Variants in TIAM1 observed in about 807,000 individuals in gnomAD.
The protein encoded by TIAM1 is TIAM Rac1 associated GEF 1.
TIAM1 carries 65 observed loss-of-function variants against 163.5 expected under a neutral mutation model. That is an observed-to-expected ratio of 0.40 (90% CI 0.33 to 0.49). The LOEUF (loss-of-function observed/expected upper bound fraction) is 0.49, where lower values mean the gene tolerates loss of function less well. Among genes scored for constraint, TIAM1 ranks in the 20% least tolerant of loss-of-function variants. The probability of loss-of-function intolerance (pLI) is 0.77; values close to 1 mark genes in which losing one functional copy is unlikely to be tolerated. For synonymous variants in TIAM1, 833 were observed against 810.1 expected (o/e 1.03, Z -0.48); for missense variants, 1,789 against 2,044.7 (o/e 0.87, Z 2.41).
intron 2 of TIAM1, among the ~76,000 whole-genome samples, chr21:31,391,190 C>T (rs1431672518): frequency 1.3e-5 from 2 of 152,094 alleles, no homozygotes; most frequent in Admixed American, 6.6e-5. Flanking sequence ...TCCATAAAAC[C>T]TTTCATTGTC....
intron 6 of TIAM1, among the ~76,000 whole-genome samples, chr21:31,232,645 T>A (rs915596448): frequency 5.9e-5 from 9 of 152,166 alleles, no homozygotes; most frequent in African/African-American, 1.9e-4. Context: ...AGGATTTAAA[T>A]TCTGACATGC....
chr21:31,290,112 CA>C (rs1346906247), intron 2 of TIAM1, among the ~76,000 whole-genome samples: 4 of 152,154 alleles, frequency 2.6e-5, no homozygotes, highest in Non-Finnish European at 5.9e-5. Flanking sequence ...ACATTATGCA[CA>C]TTTCAATTTT....
chr21:31,385,587 AG>A (rs2076852078), intron 2 of TIAM1, among the ~76,000 whole-genome samples: 1 of 151,866 alleles, frequency 6.6e-6, no homozygotes, highest in African/African-American at 2.4e-5. Context: ...CTGAAATAGG[AG>A]GGAGGAAAAT....
intron 2 of TIAM1, among the ~76,000 whole-genome samples, chr21:31,454,749 G>A (rs1215424280): frequency 6.6e-6 from 1 of 152,184 alleles, no homozygotes; most frequent in Non-Finnish European, 1.5e-5. Flanking sequence ...TTTAAATGTG[G>A]AAAAAGAGAA....
In TIAM1 at chr21:31,557,859, G is replaced by A. The variant is rs188976799; in HGVS notation, c.-422+1068C>T. On this transcript the variant is annotated intron_variant, in intron 1 of 28. Coordinates refer to the TIAM1 transcript ENST00000286827. ...ACTGGAACCGGGTGAGTGTGGCCGA[G>A]TCGGCGCCCCGAGGGCCGCCAGCCT... 7.6e-4 allele frequency among the ~76,000 whole-genome samples: 116 copies of A among 152,252 alleles called. 1 individual carries two copies. The highest frequency in any genetic ancestry group is 2.6e-3 in the African/African-American group (108 of 41,560).
intron 2 of TIAM1, among the ~76,000 whole-genome samples, chr21:31,414,423 G>C (rs1158413125): frequency 6.6e-6 from 1 of 152,188 alleles, no homozygotes; most frequent in Non-Finnish European, 1.5e-5. Flanking sequence ...AAAGCTCTCA[G>C]AATGAATCAG....
chr21:31,120,851 C>T lies in TIAM1; in HGVS notation c.4307-14G>A. 1 of 1,570,700 alleles carries T rather than the reference C, an allele frequency of 6.4e-7. No individual in the cohort carries two copies. Among genetic ancestry groups the T allele is most frequent in the African/African-American group, 1.4e-5 (1 of 73,122 alleles). ...TTGGGGCAGACACTGCACACACACA[C>T]AAAAATATAAAAATAAAACCCCCAC... On this transcript the variant is annotated splice_polypyrimidine_tract_variant and intron_variant, in intron 27 of 27. Transcript: ENST00000541036. This position sits in a 1 kb window ranked among gnomAD's most constrained non-coding sequence, Gnocchi z 4.2.
intron 1 of TIAM1, among the ~76,000 whole-genome samples, chr21:31,469,980 G>A (rs993365439): frequency 6.7e-6 from 1 of 149,574 alleles, no homozygotes; most frequent in Non-Finnish European, 1.5e-5. Context: ...CGAGTGTTAC[G>A]AGTGTCAGTG....
chr21:31,366,151 C>T (rs187462658), intron 2 of TIAM1, among the ~76,000 whole-genome samples: 216 of 151,568 alleles, frequency 1.4e-3, no homozygotes, highest in African/African-American at 4.8e-3. Context: ...CAGGCATCCC[C>T]TATCTGATGT....
chr21:31,228,265 G>GAAAAA (rs1297409869), intron 6 of TIAM1, among the ~76,000 whole-genome samples: 3 of 44,968 alleles, frequency 6.7e-5, no homozygotes, highest in Admixed American at 2.3e-4. Context: ...AAAAAGGAAG[G>GAAAAA]AAAAAAAGAA....
chr21:31,191,309 C>T (rs1601485571), intron 13 of TIAM1, among the ~76,000 whole-genome samples: 1 of 152,084 alleles, frequency 6.6e-6, no homozygotes, highest in Admixed American at 6.5e-5. Flanking sequence ...GTGTGTGTCA[C>T]CAAGCCCGTC....
intron 2 of TIAM1, among the ~76,000 whole-genome samples, chr21:31,301,572 G>A (rs2074499917): frequency 6.6e-6 from 1 of 152,184 alleles, no homozygotes. Context: ...AGGCACAGTG[G>A]CTCACGCCTG....
At position 31,538,295 on chromosome 21, in the gene TIAM1, T is replaced by TA. The variant is rs576592158; in HGVS notation, c.-422+20631dup. 2.4e-3 allele frequency among the ~76,000 whole-genome samples: 372 copies of TA among 152,222 alleles called. 2 individuals are homozygous for TA. The highest frequency in any genetic ancestry group is 8.0e-3 in the African/African-American group (332 of 41,542). ...CGGTTACTCACGCCTATAATCCCAG[T>TA]ACTTTGGGAGGTTGAGACAGAAGGA... On this transcript the variant is annotated intron_variant, in intron 1 of 28. Transcript: ENST00000286827.
In TIAM1 at chr21:31,266,264, C is replaced by T; in HGVS notation, c.709G>A (p.Ala237Thr). The T allele has an allele frequency of 6.2e-7, 1 of 1,614,204 alleles. No individual in the cohort carries two copies. The highest frequency in any genetic ancestry group is 8.5e-7 in the Non-Finnish European group (1 of 1,180,044). The change falls in exon 4 of 28, where the codon GCT becomes ACT. Residue 237 changes from alanine (A) to threonine (T), a missense_variant. This residue lies in a region of TIAM1 where 555 missense variants were observed against 564.9 expected (regional missense o/e 0.98). Coordinates refer to ENST00000541036, the MANE Select transcript of TIAM1 (RefSeq NM_001353694.2). The part of the protein sequence containing the change: ...QRANSLGDLY[A>T]QKNSGVTANG... ...GCTGTCACTCCAGAGTTTTTCTGAG[C>T]ATACAAGTCACCCAAGGAATTGGCT...
rs1023421691 is a variant in TIAM1 at position 31,325,486 on chromosome 21, G to C, written c.-189+13757C>G. ...AGTTCGAGACCAGCCTGGCCAACAC[G>C]GCAAAACCCTGTCTTTACTAAAAAT... On this transcript the variant is annotated intron_variant, in intron 2 of 27. Coordinates refer to ENST00000541036, the MANE Select transcript of TIAM1 (RefSeq NM_001353694.2). 2.6e-5 allele frequency among the ~76,000 whole-genome samples: 4 copies of C among 151,992 alleles called. No individual in the cohort carries two copies. The South Asian group carries it at 8.3e-4, about 32-fold the overall frequency.
intron 20 of TIAM1, among the ~76,000 whole-genome samples, chr21:31,146,381 G>C (rs1174158355): frequency 7.7e-6 from 1 of 130,230 alleles, no homozygotes; most frequent in South Asian, 2.6e-4. Flanking sequence ...TCCAGCCCAA[G>C]TGACAGAGCA....
At chr21:31,185,615 AT>A (rs1158001363) in intron 14 of TIAM1, among the ~76,000 whole-genome samples, 1 of 144,662 alleles carries the variant, frequency 6.9e-6, no homozygotes. Flanking sequence ...TATATATTAT[AT>A]TAATATATTA....
intron 2 of TIAM1, among the ~76,000 whole-genome samples, chr21:31,407,560 G>A (rs982228589): frequency 1.3e-5 from 2 of 151,968 alleles, no homozygotes; most frequent in Non-Finnish European, 2.9e-5. Context: ...TCGACCCATC[G>A]GGAGCAGGCT....
Position 31,225,759 on chromosome 21 carries a change from A to G in TIAM1, c.1776T>C (p.Thr592=). The G allele has an allele frequency of 6.2e-7, 1 of 1,613,412 alleles. No individual in the cohort carries two copies. Among genetic ancestry groups the G allele is most frequent in the Non-Finnish European group, 8.5e-7 (1 of 1,180,012 alleles). Residue 592 remains threonine (T), a synonymous_variant, in exon 7 of 28, where the codon ACT becomes ACC. Transcript: ENST00000541036. ...ATATTGTTTTCTTTTTCTTTGAGTC[A>G]GTGACTGAAGACAGCTGCATTTCAC... ...KMGEMQLSSV[T]DSKKKKTILD... is the part of the protein sequence containing the mutation.
Sources: gnomAD v4.1 joint callset for allele counts (sites outside exome capture counted in the v4.1 genomes callset) on GRCh38, gnomAD v4.1.1 for gene constraint, gnomAD v4.1.1 regional missense constraint, Gnocchi (gnomAD v3.1) non-coding constraint, MANE v1.5 for transcripts, NCBI Gene and HGNC (gene_info 2026-07-23, HGNC 2026-07-21) for gene names.